The following ROBO2 variants were observed in gnomAD, a reference collection of about 807,000 sequenced individuals.
The protein encoded by ROBO2 is roundabout guidance receptor 2.
In ROBO2, 53 loss-of-function variants were observed where a neutral mutation model predicts 160.8. That is an observed-to-expected ratio of 0.33 (90% CI 0.26 to 0.41). The LOEUF (loss-of-function observed/expected upper bound fraction) is 0.41, where lower values mean the gene tolerates loss of function less well. ROBO2 is among the 10% of genes least tolerant of loss of function. ROBO2 has a pLI of 1.00. For missense variants in ROBO2, 1,577 were observed against 1,722.4 expected (o/e 0.92, Z 1.49); for synonymous variants, 664 against 611.7 (o/e 1.09, Z -1.26).
chr3:77,071,576 G>A (rs571438773), intron 1 of ROBO2, among the ~76,000 whole-genome samples: 7 of 152,176 alleles, frequency 4.6e-5, no homozygotes, highest in Admixed American at 3.9e-4. Flanking sequence ...TGCTGTTTTG[G>A]AAAGCATGGC....
At chr3:76,131,484 C>T (rs2071218427) in intron 2 of ROBO2, among the ~76,000 whole-genome samples, 1 of 151,976 alleles carries the variant, frequency 6.6e-6, no homozygotes, top group African/African-American at 2.4e-5. Context: ...AGACAATGCC[C>T]ATAAGGAAAA....
chr3:75,945,070 A>G (rs1401909596), intron 2 of ROBO2, among the ~76,000 whole-genome samples: 2 of 152,106 alleles, frequency 1.3e-5, no homozygotes, highest in Non-Finnish European at 2.9e-5. Context: ...AATTCAGACT[A>G]TATATTTCTA....
chr3:77,400,487 G>C (rs2075693489), intron 2 of ROBO2, among the ~76,000 whole-genome samples: 1 of 152,160 alleles, frequency 6.6e-6, no homozygotes, highest in Non-Finnish European at 1.5e-5. Context: ...CTAAGAAGGA[G>C]CCAGTACGTT....
chr3:77,108,349 G>A (rs548375004), intron 2 of ROBO2, among the ~76,000 whole-genome samples: 1 of 146,148 alleles, frequency 6.8e-6, no homozygotes, highest in African/African-American at 2.5e-5. Context: ...TATATATGAT[G>A]TGATATTAGA....
intron 2 of ROBO2, among the ~76,000 whole-genome samples, chr3:77,160,323 GA>G (rs2078371215): frequency 6.6e-6 from 1 of 151,956 alleles, no homozygotes; most frequent in Non-Finnish European, 1.5e-5. Context: ...ACATTTATTT[GA>G]AAGAAAGAAT....
intron 2 of ROBO2, among the ~76,000 whole-genome samples, chr3:76,565,926 C>G (rs1002602096): frequency 6.6e-6 from 1 of 152,128 alleles, no homozygotes. Context: ...ACCATGTCAA[C>G]TCCCATAGCA....
At chr3:77,065,043 T>C (rs2149794529) in intron 1 of ROBO2, among the ~76,000 whole-genome samples, 1 of 152,272 alleles carries the variant, frequency 6.6e-6, no homozygotes, top group East Asian at 1.9e-4. Flanking sequence ...ATGATTCTAA[T>C]GTAAAGTGGA....
intron 2 of ROBO2, among the ~76,000 whole-genome samples, chr3:76,706,809 G>C (rs1186091215): frequency 3.3e-5 from 5 of 152,132 alleles, no homozygotes; most frequent in African/African-American, 1.2e-4. Flanking sequence ...TAAGTAACTT[G>C]TGACTCAAAA....
intron 2 of ROBO2, among the ~76,000 whole-genome samples, chr3:77,378,669 A>G (rs1172180930): frequency 2.0e-5 from 3 of 152,180 alleles, no homozygotes; most frequent in Admixed American, 2.0e-4. Context: ...ATATATAAAT[A>G]TAGGTAAATA....
At chr3:77,478,351 A>G (rs1232416122) in intron 3 of ROBO2, among the ~76,000 whole-genome samples, 1 of 152,214 alleles carries the variant, frequency 6.6e-6, no homozygotes, top group East Asian at 1.9e-4. Context: ...ACATGAATTG[A>G]TTTAAAAGGA....
At chr3:77,125,691 G>A (rs964323711) in intron 2 of ROBO2, among the ~76,000 whole-genome samples, 2 of 152,116 alleles carry the variant, frequency 1.3e-5, no homozygotes, top group Non-Finnish European at 2.9e-5. Context: ...GAAAAAGTTT[G>A]CTTCACCATA....
At chr3:76,506,495 C>T (rs1158380566) in intron 2 of ROBO2, among the ~76,000 whole-genome samples, 1 of 152,138 alleles carries the variant, frequency 6.6e-6, no homozygotes, top group Non-Finnish European at 1.5e-5. Context: ...ACCAAAACCC[C>T]ATTCCAGTTA....
intron 2 of ROBO2, among the ~76,000 whole-genome samples, chr3:76,967,417 G>A (rs1436338838): frequency 6.6e-6 from 1 of 151,000 alleles, no homozygotes; most frequent in African/African-American, 2.4e-5. Context: ...ATGTTGCCCA[G>A]GCTGGTCTCG....
intron 2 of ROBO2, among the ~76,000 whole-genome samples, chr3:77,335,781 C>A (rs887655305): frequency 3.3e-5 from 5 of 152,102 alleles, no homozygotes; most frequent in African/African-American, 1.2e-4. Context: ...GCAACTGAGC[C>A]TAACTGTATG....
At chr3:76,059,438 T>C (rs1475768372) in intron 2 of ROBO2, among the ~76,000 whole-genome samples, 2 of 152,234 alleles carry the variant, frequency 1.3e-5, no homozygotes, top group African/African-American at 4.8e-5. Flanking sequence ...TCTGGCTGCA[T>C]AAATGTCTTC....
At chr3:77,282,960 T>TA (rs71104670) in intron 2 of ROBO2, among the ~76,000 whole-genome samples, 5,965 of 134,300 alleles carry the variant, frequency 0.044, 129 homozygotes, top group Middle Eastern at 0.11. Context: ...CTTCTGCTTT[T>TA]AAAAAAAAAA....
At chr3:76,619,965 TA>T (rs1477319922) in intron 2 of ROBO2, among the ~76,000 whole-genome samples, 1 of 152,100 alleles carries the variant, frequency 6.6e-6, no homozygotes, top group Non-Finnish European at 1.5e-5. Flanking sequence ...ATAATTATAA[TA>T]ATTAACAGTG....
chr3:76,329,781 A>G (rs1439689367), intron 2 of ROBO2, among the ~76,000 whole-genome samples: 4 of 152,226 alleles, frequency 2.6e-5, no homozygotes, highest in African/African-American at 7.2e-5. Flanking sequence ...TTAAACATGT[A>G]TTCCAGAGTC....
At chr3:76,521,369 A>G (rs1443750757) in intron 2 of ROBO2, among the ~76,000 whole-genome samples, 2 of 152,034 alleles carry the variant, frequency 1.3e-5, no homozygotes, top group Admixed American at 6.6e-5. Flanking sequence ...TGCTCTCTGC[A>G]TGGTGTGATT....
Sources: allele counts gnomAD v4.1 joint callset (sites outside exome capture counted in the v4.1 genomes callset), GRCh38; gene constraint gnomAD v4.1.1; transcripts MANE v1.5; gene names NCBI Gene and HGNC (gene_info 2026-07-23, HGNC 2026-07-21).